The following HIVEP2 variants were observed in gnomAD, a reference collection of about 807,000 sequenced individuals.
The protein encoded by HIVEP2 is transcription factor HIVEP2.
Under a neutral mutation model 180.7 loss-of-function variants are expected in HIVEP2, and 14 were observed. The ratio of observed to expected loss-of-function variants is 0.08; its 90% confidence interval spans 0.05 to 0.12. HIVEP2 has a LOEUF of 0.12. HIVEP2 is among the 10% of genes least tolerant of loss of function. The pLI is 1.00. For synonymous variants in HIVEP2, 1,184 were observed against 1,136.4 expected, an observed-to-expected ratio of 1.04 and a Z score of -0.84; for missense variants, 2,579 against 3,008.5, an observed-to-expected ratio of 0.86 and a Z score of 3.34.
In HIVEP2 at chr6:142,760,111, T is replaced by G. The variant is rs1392648007; in HGVS notation, c.6177A>C (p.Ser2059=). The G allele has an allele frequency of 1.9e-6, 3 of 1,614,118 alleles. No homozygotes were observed. The South Asian group carries it at 3.3e-5, about 18-fold the overall frequency. The change falls in exon 9 of 10, where the codon TCA becomes TCC. Residue 2059 remains serine (S), a synonymous_variant. Coordinates refer to ENST00000367603, the MANE Select transcript of HIVEP2 (RefSeq NM_006734.4). ...GYDSSPCRDN[S]PKRYLIPKGD... ...CTTTGGGTATCAGATACCTCTTTGG[T>G]GAATTATCTCGACAGGGTGAAGAAT...
rs1203736708 is a variant in HIVEP2 at position 142,772,048 on chromosome 6, A to G, written c.2691T>C (p.Pro897=). ...QVPEIRVTEE[P]DKPEKEKEAQ... is the part of the protein sequence containing the mutation. ...CTTCCTTCTCCTTCTCAGGTTTATC[A>G]GGCTCCTCGGTCACTCGAATCTCAG... The change falls in exon 5 of 10, where the codon CCT becomes CCC. Residue 897 remains proline (P), a synonymous_variant. Coordinates refer to ENST00000367603, the MANE Select transcript of HIVEP2 (RefSeq NM_006734.4). This position sits in a 1 kb window ranked among gnomAD's most constrained non-coding sequence, Gnocchi z 4.9. 1.2e-6 allele frequency: 2 copies of G among 1,614,026 alleles called. No homozygotes were observed. The highest frequency in any genetic ancestry group is 4.5e-5 in the East Asian group (2 of 44,896).
In HIVEP2 at chr6:142,773,826, T is replaced by C; in HGVS notation, c.913A>G (p.Ile305Val). Residue 305 changes from isoleucine (I) to valine (V), a missense_variant, in exon 5 of 10, where the codon ATT becomes GTT. This residue lies in a region of HIVEP2 where 142 missense variants were observed against 135.2 expected (regional missense o/e 1.05). Coordinates refer to ENST00000367603, the MANE Select transcript of HIVEP2 (RefSeq NM_006734.4). ...MSPGPPIPLD[I>V]ASRGGYHGSL... ...CCATGATAGCCGCCTCTGCTGGCAATGTCCAGTGGGATGGGTGGACCAGGA... is the reference window on the plus strand; with the variant it reads ...CCATGATAGCCGCCTCTGCTGGCAACGTCCAGTGGGATGGGTGGACCAGGA... 1.9e-6 allele frequency: 3 copies of C among 1,613,820 alleles called. No individual in the cohort carries two copies. The highest frequency in any genetic ancestry group is 2.5e-6 in the Non-Finnish European group (3 of 1,180,040).
intron 1 of HIVEP2, among the ~76,000 whole-genome samples, chr6:142,930,281 T>C (rs1777912899): frequency 6.6e-6 from 1 of 152,200 alleles, no homozygotes; most frequent in Admixed American, 6.5e-5. Context: ...CACATACTCA[T>C]GAACATATAA....
chr6:142,796,693 T>C (rs1438674554), intron 2 of HIVEP2, among the ~76,000 whole-genome samples: 4 of 152,214 alleles, frequency 2.6e-5, no homozygotes, highest in African/African-American at 9.6e-5. Flanking sequence ...CTAGCATTAG[T>C]AATGGCACTT....
At position 142,774,238 on chromosome 6, in the gene HIVEP2, C is replaced by T; in HGVS notation, c.501G>A (p.Gln167=). The T allele has an allele frequency of 6.2e-7, 1 of 1,614,138 alleles. No homozygotes were observed. The highest frequency in any genetic ancestry group is 8.5e-7 in the Non-Finnish European group (1 of 1,180,040). The change falls in exon 5 of 10, where the codon CAG becomes CAA. Residue 167 remains glutamine, a synonymous_variant. Coordinates refer to ENST00000367603, the MANE Select transcript of HIVEP2 (RefSeq NM_006734.4). The surrounding 1 kb of genome is among the most constrained non-coding windows in gnomAD (Gnocchi z 5.1). ...SLNPAYSQYS[Q]KSIEQAEEAH... ...CCTCTTCTGCCTGTTCAATACTTTT[C>T]TGGGAGTATTGGCTATAAGCAGGGT...
At chr6:142,913,525 C>T (rs1156934405) in intron 1 of HIVEP2, among the ~76,000 whole-genome samples, 1 of 152,194 alleles carries the variant, frequency 6.6e-6, no homozygotes, top group East Asian at 1.9e-4. Context: ...TATCTAATTG[C>T]CATACTTAAC....
intron 2 of HIVEP2, among the ~76,000 whole-genome samples, chr6:142,785,904 T>C (rs2114704486): frequency 6.6e-6 from 1 of 152,308 alleles, no homozygotes; most frequent in East Asian, 1.9e-4. Context: ...TAAAGAAAGT[T>C]CCAGATGAGC....
chr6:142,805,276 G>GAA (rs1303911197), intron 2 of HIVEP2, among the ~76,000 whole-genome samples: 13 of 152,054 alleles, frequency 8.5e-5, no homozygotes, highest in Admixed American at 8.5e-4. Context: ...GCACAAGAGG[G>GAA]AACAGCTTGT....
At chr6:142,763,429 C>G (rs767462334) in intron 7 of HIVEP2, among the ~76,000 whole-genome samples, 7 of 152,154 alleles carry the variant, frequency 4.6e-5, no homozygotes, top group Non-Finnish European at 1.0e-4. Context: ...TTTTAAGATT[C>G]TGAGACATTT....
chr6:142,905,202 C>T (rs1436012735), intron 1 of HIVEP2, among the ~76,000 whole-genome samples: 1 of 152,156 alleles, frequency 6.6e-6, no homozygotes, highest in African/African-American at 2.4e-5. Context: ...TACTGCTCAA[C>T]CATCTACCAA....
intron 1 of HIVEP2, among the ~76,000 whole-genome samples, chr6:142,910,855 G>A (rs1249397762): frequency 6.6e-6 from 1 of 152,198 alleles, no homozygotes; most frequent in Non-Finnish European, 1.5e-5. Context: ...CATGCGTAGA[G>A]CATGGGGGCC....
chr6:142,840,174 G>A (rs569148041), intron 1 of HIVEP2, among the ~76,000 whole-genome samples: 18 of 152,130 alleles, frequency 1.2e-4, no homozygotes, highest in African/African-American at 4.3e-4. Flanking sequence ...ATTAAAATAG[G>A]GAAATCAAGA....
At chr6:142,761,207 T>C (rs1044279991) in intron 8 of HIVEP2, among the ~76,000 whole-genome samples, 1 of 152,218 alleles carries the variant, frequency 6.6e-6, no homozygotes, top group African/African-American at 2.4e-5. Flanking sequence ...TGCAATTCTA[T>C]TCCCTTCATA....
chr6:142,927,456 G>A (rs1303397142), intron 1 of HIVEP2, among the ~76,000 whole-genome samples: 1 of 152,100 alleles, frequency 6.6e-6, no homozygotes, highest in Non-Finnish European at 1.5e-5. Flanking sequence ...CATAAAACAG[G>A]AAAAGGAACA....
rs376423805 is a variant in HIVEP2 at position 142,760,442 on chromosome 6, T to C, written c.5846A>G (p.Asn1949Ser). ...QPPRFSSLPV[N>S]VGAVPHGVPS... Reference sequence around the variant, plus strand: ...AACCCCGTGGGGTACGGCGCCAACATTCACAGGCAAGGAGGAGAATCTAGG... The same window carrying C: ...AACCCCGTGGGGTACGGCGCCAACACTCACAGGCAAGGAGGAGAATCTAGG... Residue 1949 changes from asparagine to serine, a missense_variant, in exon 9 of 10, where the codon AAT (asparagine) becomes AGT (serine). Asn to Ser is a conservative substitution (Grantham distance 46). Around this residue, in one of 11 missense-constraint regions of HIVEP2, gnomAD observed 660 missense variants for 731.7 expected, o/e 0.90. Transcript: ENST00000367603. 5.1e-5 allele frequency: 82 copies of C among 1,614,044 alleles called. No homozygotes were observed. Among genetic ancestry groups the C allele is most frequent in the Middle Eastern group, 1.6e-4 (1 of 6,084 alleles).
At chr6:142,820,994 A>C (rs1777018896) in intron 2 of HIVEP2, among the ~76,000 whole-genome samples, 1 of 152,120 alleles carries the variant, frequency 6.6e-6, no homozygotes, top group South Asian at 2.1e-4. Flanking sequence ...TCAGATATAA[A>C]TTTTCAAAGG....
At chr6:142,898,563 G>A (rs1466863605) in intron 1 of HIVEP2, among the ~76,000 whole-genome samples, 3 of 152,212 alleles carry the variant, frequency 2.0e-5, no homozygotes, top group Non-Finnish European at 4.4e-5. Flanking sequence ...TCAGGAGGCT[G>A]AGGCAGGAGA....
chr6:142,905,565 G>A lies in HIVEP2; in HGVS notation c.-641+39534C>T, dbSNP rs183430061. Among the ~76,000 whole-genome samples, 904 of 152,218 alleles carry A rather than the reference G, an allele frequency of 5.9e-3. 5 individuals are homozygous for A. The highest frequency in any genetic ancestry group is 9.7e-3 in the South Asian group (47 of 4,822). On this transcript the variant is annotated intron_variant, in intron 1 of 9. Coordinates refer to ENST00000367603, the MANE Select transcript of HIVEP2 (RefSeq NM_006734.4). ...TTTTTCAAGTGTTTAATAAATATAAGTATTTTTGTTTTTAAAACCTGAGGT... is the reference window on the plus strand; with the variant it reads ...TTTTTCAAGTGTTTAATAAATATAAATATTTTTGTTTTTAAAACCTGAGGT...
At chr6:142,802,706 A>C (rs1225362698) in intron 2 of HIVEP2, among the ~76,000 whole-genome samples, 1 of 152,178 alleles carries the variant, frequency 6.6e-6, no homozygotes, top group Non-Finnish European at 1.5e-5. Context: ...GTTTCTAAAA[A>C]AGAATCACTC....
Sources: gnomAD v4.1 joint callset for allele counts (sites outside exome capture counted in the v4.1 genomes callset) on GRCh38, gnomAD v4.1.1 for gene constraint, gnomAD v4.1.1 regional missense constraint, Gnocchi (gnomAD v3.1) non-coding constraint, MANE v1.5 for transcripts, NCBI Gene and HGNC (gene_info 2026-07-23, HGNC 2026-07-21) for gene names.